Variants in FGGY observed in about 807,000 individuals in gnomAD.
The protein encoded by FGGY is FGGY carbohydrate kinase domain containing, also known as FGGY carbohydrate kinase domain-containing protein.
In FGGY, 72 loss-of-function variants were observed where a neutral mutation model predicts 71.3. The observed-to-expected ratio is 1.01, with a 90% CI of 0.84 to 1.23. The LOEUF is 1.23. Among genes scored for constraint, FGGY ranks in the 50% most tolerant of loss-of-function variants. The pLI is 0.00. For synonymous variants in FGGY, 251 were observed against 250.3 expected, an observed-to-expected ratio of 1.00 and a Z score of -0.02; for missense variants, 668 against 682.3, an observed-to-expected ratio of 0.98 and a Z score of 0.23.
At chr1:59,759,829 A>G (rs996955819) in intron 15 of FGGY, among the ~76,000 whole-genome samples, 1 of 152,250 alleles carries the variant, frequency 6.6e-6, no homozygotes, top group Non-Finnish European at 1.5e-5. Flanking sequence ...TGATTTTAAA[A>G]TTCACAGTCA....
chr1:59,407,510 C>G (rs2062941238), intron 5 of FGGY, among the ~76,000 whole-genome samples: 1 of 152,080 alleles, frequency 6.6e-6, no homozygotes, highest in African/African-American at 2.4e-5. Flanking sequence ...GCTTATTTGT[C>G]TGGAATATGA....
At chr1:59,445,626 C>T (rs2071057480) in intron 5 of FGGY, among the ~76,000 whole-genome samples, 1 of 152,208 alleles carries the variant, frequency 6.6e-6, no homozygotes, top group African/African-American at 2.4e-5. Context: ...CTCCCGAACA[C>T]CCTTTTTTAC....
At chr1:59,591,879 G>A (rs1423835702) in intron 8 of FGGY, among the ~76,000 whole-genome samples, 1 of 152,176 alleles carries the variant, frequency 6.6e-6, no homozygotes, top group Admixed American at 6.5e-5. Context: ...ATAGGCATGG[G>A]CAAGGACTTC....
intron 2 of FGGY, among the ~76,000 whole-genome samples, chr1:59,333,417 A>G (rs188058895): frequency 2.0e-5 from 3 of 152,360 alleles, no homozygotes; most frequent in African/African-American, 7.2e-5. Context: ...TGTTGAGCTC[A>G]TCACACCTTA....
At chr1:59,460,146 C>G (rs2092054514) in intron 6 of FGGY, among the ~76,000 whole-genome samples, 2 of 152,276 alleles carry the variant, frequency 1.3e-5, no homozygotes, top group South Asian at 4.1e-4. Flanking sequence ...CTTTCCTAGA[C>G]AAGGGAAGCC....
chr1:59,661,536 G>T (rs941708561), intron 12 of FGGY, among the ~76,000 whole-genome samples: 2 of 151,934 alleles, frequency 1.3e-5, no homozygotes, highest in Admixed American at 1.3e-4. Context: ...TTGGTCAAAA[G>T]CACACAATTC....
chr1:59,438,125 A>G (rs1249664949), intron 5 of FGGY, among the ~76,000 whole-genome samples: 1 of 152,206 alleles, frequency 6.6e-6, no homozygotes, highest in Non-Finnish European at 1.5e-5. Flanking sequence ...CTTTGACTAC[A>G]GTCTATTCCT....
chr1:59,360,130 A>G (rs116069166), intron 4 of FGGY, among the ~76,000 whole-genome samples: 14 of 135,946 alleles, frequency 1.0e-4, no homozygotes, highest in African/African-American at 3.1e-4. Context: ...TATCATTGTT[A>G]TTATTATTAT....
At chr1:59,669,397 G>C (rs1249271952) in intron 13 of FGGY, among the ~76,000 whole-genome samples, 1 of 152,244 alleles carries the variant, frequency 6.6e-6, no homozygotes, top group East Asian at 1.9e-4. Flanking sequence ...AAAGCAGAAG[G>C]AGGAAAGACA....
At chr1:59,587,461 A>G (rs61788872) in intron 8 of FGGY, among the ~76,000 whole-genome samples, 17,176 of 149,932 alleles carry the variant, frequency 0.11, 1,295 homozygotes, top group South Asian at 0.28. Flanking sequence ...CCAGCACGCA[A>G]CTGGAGATCT....
chr1:59,417,590 C>A (rs760849652), intron 5 of FGGY, among the ~76,000 whole-genome samples: 2 of 152,176 alleles, frequency 1.3e-5, no homozygotes, highest in Admixed American at 6.5e-5. Flanking sequence ...CCAATTTCTC[C>A]ACATCCTTGT....
At chr1:59,444,088 C>T (rs2070646629) in intron 5 of FGGY, among the ~76,000 whole-genome samples, 1 of 152,096 alleles carries the variant, frequency 6.6e-6, no homozygotes, top group Admixed American at 6.6e-5. Context: ...GGAGCAAACC[C>T]AAGGGCTGGG....
rs535587155 is a variant in FGGY at position 59,488,495 on chromosome 1, GTGTATATATATGTATTA to G, written c.671-23806_671-23790del. 3.9e-3 allele frequency among the ~76,000 whole-genome samples: 576 copies of G among 148,058 alleles called. 7 individuals are homozygous for G. The highest frequency in any genetic ancestry group is 0.013 in the African/African-American group (550 of 40,780). On this transcript the variant is annotated intron_variant, in intron 6 of 15. Coordinates refer to ENST00000303721, the MANE Select transcript of FGGY (RefSeq NM_018291.5). ...CTTTTTGATGTATGTGTATATGTGT[GTGTATATATATGTATTA>G]TGTATATATTATATATAAATATGTA...
At position 59,426,858 on chromosome 1, in the gene FGGY, G is replaced by GA. The variant is rs34668849; in HGVS notation, c.555-30088dup. Among the ~76,000 whole-genome samples the GA allele has an allele frequency of 8.5e-3, 1,151 of 134,874 alleles. 6 individuals are homozygous for GA. Among genetic ancestry groups the GA allele is most frequent in the African/African-American group, 0.015 (565 of 37,182 alleles). The allele number at this position is 134,874 out of a possible 152,430, so 88.5% of individuals were successfully genotyped here. On this transcript the variant is annotated intron_variant, in intron 5 of 15. Transcript: ENST00000303721. ...AGTTGCTTTGGATGAGATTAACACTGAAAAAAAAAAAAAAACTGGTTGCCT... is the reference window on the plus strand; with the variant it reads ...AGTTGCTTTGGATGAGATTAACACTGAAAAAAAAAAAAAAAACTGGTTGCCT...
chr1:59,500,389 G>A (rs1190309516), intron 6 of FGGY, among the ~76,000 whole-genome samples: 1 of 152,064 alleles, frequency 6.6e-6, no homozygotes, highest in Non-Finnish European at 1.5e-5. Context: ...GCCCCTGGAG[G>A]ACAGGCAGAC....
intron 12 of FGGY, among the ~76,000 whole-genome samples, chr1:59,663,412 A>G (rs2097295763): frequency 6.6e-6 from 1 of 152,216 alleles, no homozygotes; most frequent in African/African-American, 2.4e-5. Context: ...AATATCATTA[A>G]TTTGGCCAGG....
At position 59,468,962 on chromosome 1, in the gene FGGY, C is replaced by G. The variant is rs766480193; in HGVS notation, c.670+11886C>G. Among the ~76,000 whole-genome samples the G allele has an allele frequency of 4.9e-4, 75 of 152,060 alleles. 1 individual carries two copies. Among genetic ancestry groups the G allele is most frequent in the South Asian group, 1.5e-3 (7 of 4,814 alleles). On this transcript the variant is annotated intron_variant, in intron 6 of 15. Coordinates refer to ENST00000303721, the MANE Select transcript of FGGY (RefSeq NM_018291.5). Reference sequence around the variant, plus strand: ...TAAATGTGCCAGTGAACAGAGCCACCTCAGGCAAGGGTGCAGTATTGGCTT... The same window carrying G: ...TAAATGTGCCAGTGAACAGAGCCACGTCAGGCAAGGGTGCAGTATTGGCTT...
At chr1:59,456,371 G>C (rs2091692185) in intron 5 of FGGY, among the ~76,000 whole-genome samples, 1 of 151,226 alleles carries the variant, frequency 6.6e-6, no homozygotes, top group South Asian at 2.1e-4. Flanking sequence ...TCTCACAAAT[G>C]TCATGTAAAC....
intron 7 of FGGY, among the ~76,000 whole-genome samples, chr1:59,526,801 T>C (rs1474208028): frequency 6.6e-6 from 1 of 152,216 alleles, no homozygotes; most frequent in African/African-American, 2.4e-5. Flanking sequence ...ACACTCTGAC[T>C]GGAATCAGAC....
Sources: gnomAD v4.1 joint callset for allele counts (sites outside exome capture counted in the v4.1 genomes callset) on GRCh38, gnomAD v4.1.1 for gene constraint, MANE v1.5 for transcripts, NCBI Gene and HGNC (gene_info 2026-07-23, HGNC 2026-07-21) for gene names.